The following FGF2 variants were observed in gnomAD, a reference collection of about 807,000 sequenced individuals.
FGF2 encodes the protein fibroblast growth factor 2.
FGF2 carries 13 observed loss-of-function variants against 15.9 expected under a neutral mutation model. That is an observed-to-expected ratio of 0.82 (90% CI 0.53 to 1.30). The LOEUF is 1.30. Ranked by LOEUF, FGF2 falls within the 50% of genes most tolerant of loss-of-function variation. FGF2 has a pLI of 0.00. For missense variants in FGF2, 163 were observed against 196.9 expected, an observed-to-expected ratio of 0.83 and a Z score of 1.03; for synonymous variants, 90 against 78.4, an observed-to-expected ratio of 1.15 and a Z score of -0.78.
At chr4:122,826,811 G>T, upstream of FGF2, 1 of 1,450,452 alleles carries the variant, frequency 6.9e-7, no homozygotes. Flanking sequence ...TAGAAGATGT[G>T]ACGCCGCGGC....
At chr4:122,869,316 C>T (rs776759062) in intron 1 of FGF2, among the ~76,000 whole-genome samples, 1 of 152,088 alleles carries the variant, frequency 6.6e-6, no homozygotes, top group African/African-American at 2.4e-5. Context: ...CTTGGCTATA[C>T]GGGGTCTTCT....
chr4:122,893,281 T>C lies in FGF2; in HGVS notation c.*885T>C. 6.7e-7 allele frequency: 1 copy of C among 1,482,698 alleles called. No homozygotes were observed. The highest frequency in any genetic ancestry group is 9.0e-7 in the Non-Finnish European group (1 of 1,107,768). The allele number at this position is 1,482,698 out of a possible 1,614,324, so 91.8% of individuals were successfully genotyped here. A position where few individuals can be genotyped will look rare whatever the true frequency, so the allele number is the denominator to read the frequency against. On this transcript the variant is annotated 3_prime_UTR_variant, in exon 3 of 3. Coordinates refer to ENST00000644866, the MANE Select transcript of FGF2 (RefSeq NM_001361665.2). The stretch of plus-strand genomic sequence containing the variant: ...AATAATTACACTTTTAGAAACTGTA[T>C]CATCAAAGATTTTCAGTTAAAGTAG...
At chr4:122,863,407 G>A (rs1726512370) in intron 1 of FGF2, among the ~76,000 whole-genome samples, 1 of 152,084 alleles carries the variant, frequency 6.6e-6, no homozygotes, top group South Asian at 2.1e-4. Flanking sequence ...GAGTTTCTCA[G>A]CCTGGGTTTT....
Position 122,863,524 on chromosome 4 carries a change from T to C in FGF2, c.179-12797T>C, listed in dbSNP as rs539829958. ...ACCCAGAATATCATTCTCTTTTGTC[T>C]CTCCCTTGCCAATACCTTGCTCATG... On this transcript the variant is annotated intron_variant, in intron 1 of 2. Coordinates refer to ENST00000644866, the MANE Select transcript of FGF2 (RefSeq NM_001361665.2). 2.6e-5 allele frequency among the ~76,000 whole-genome samples: 4 copies of C among 152,250 alleles called. No individual in the cohort carries two copies. In the East Asian group the frequency reaches 7.7e-4, roughly 29 times the overall value.
At chr4:122,836,222 C>CT (rs1265760973) in intron 1 of FGF2, among the ~76,000 whole-genome samples, 1 of 152,224 alleles carries the variant, frequency 6.6e-6, no homozygotes, top group Non-Finnish European at 1.5e-5. Context: ...ACAGTGGCCA[C>CT]TCAAAGAATG....
At position 122,895,128 on chromosome 4, in the gene FGF2, G is replaced by A. The variant is rs776825001; in HGVS notation, c.*2732G>A. On this transcript the variant is annotated 3_prime_UTR_variant, in exon 3 of 3. Transcript: ENST00000644866. ...GTGCTTTTGTCTCCAGAGTATGCGG[G>A]AGACCCTTCCACCTCAAGATGGATA... 2.6e-5 allele frequency: 4 copies of A among 152,158 alleles called. No homozygotes were observed. Among genetic ancestry groups the A allele is most frequent in the Non-Finnish European group, 5.9e-5 (4 of 68,042 alleles). The allele number at this position is 152,158 out of a possible 1,614,324, so 9.4% of individuals were successfully genotyped here.
At chr4:122,841,110 G>A (rs1725975367) in intron 1 of FGF2, among the ~76,000 whole-genome samples, 1 of 152,208 alleles carries the variant, frequency 6.6e-6, no homozygotes, top group African/African-American at 2.4e-5. Context: ...ATTTCTCATA[G>A]CAACCTTCTG....
intron 1 of FGF2, among the ~76,000 whole-genome samples, chr4:122,850,484 T>C (rs773043258): frequency 6.6e-6 from 1 of 152,180 alleles, no homozygotes; most frequent in South Asian, 2.1e-4. Context: ...TGGATGACTT[T>C]ATAGATGTCT....
intron 2 of FGF2, among the ~76,000 whole-genome samples, chr4:122,888,290 C>G (rs1319303065): frequency 6.6e-6 from 1 of 152,208 alleles, no homozygotes; most frequent in African/African-American, 2.4e-5. Context: ...ATTTCTACTG[C>G]TACCTCCATG....
At chr4:122,876,028 C>T (rs17006247) in intron 1 of FGF2, among the ~76,000 whole-genome samples, 2,181 of 152,240 alleles carry the variant, frequency 0.014, 57 homozygotes, top group African/African-American at 0.049. Context: ...AACAATTCTC[C>T]GTGTGTCCCC....
At chr4:122,884,092 G>A (rs1727011895) in intron 2 of FGF2, among the ~76,000 whole-genome samples, 4 of 152,172 alleles carry the variant, frequency 2.6e-5, no homozygotes, top group African/African-American at 7.2e-5. Context: ...TCCTTTTTAA[G>A]AGATAAAATA....
At chr4:122,866,351 G>T (rs1726582462) in intron 1 of FGF2, among the ~76,000 whole-genome samples, 1 of 145,222 alleles carries the variant, frequency 6.9e-6, no homozygotes, top group Admixed American at 7.1e-5. Context: ...CTGGGTGAAA[G>T]AGCGAGACTC....
At chr4:122,850,288 C>T (rs1264551690) in intron 1 of FGF2, among the ~76,000 whole-genome samples, 4 of 151,386 alleles carry the variant, frequency 2.6e-5, no homozygotes, top group African/African-American at 9.7e-5. Context: ...AAAAAAGATA[C>T]AGTAAAAGTT....
chr4:122,897,565 G>C lies in FGF2; in HGVS notation c.*5169G>C. 8.3e-7 allele frequency: 1 copy of C among 1,205,384 alleles called. No homozygotes were observed. The allele number at this position is 1,205,384 out of a possible 1,614,324, so 74.7% of individuals were successfully genotyped here. On this transcript the variant is annotated 3_prime_UTR_variant, in exon 3 of 3. Transcript: ENST00000644866. Reference sequence around the variant, plus strand: ...TTATTCTTAGCTATAAAGCAAGAAAGTAAACACATTAATTTCCTCAACATT... The same window carrying C: ...TTATTCTTAGCTATAAAGCAAGAAACTAAACACATTAATTTCCTCAACATT...
chr4:122,841,529 A>C (rs1174803706), intron 1 of FGF2, among the ~76,000 whole-genome samples: 8 of 152,232 alleles, frequency 5.3e-5, no homozygotes, highest in Admixed American at 3.3e-4. Context: ...TCTTATTTAA[A>C]AATGTATTTA....
At position 122,876,416 on chromosome 4, in the gene FGF2, C is replaced by G. The variant is rs753112115; in HGVS notation, c.274C>G (p.Leu92Val). The G allele has an allele frequency of 2.5e-6, 4 of 1,601,824 alleles. No homozygotes were observed. The Admixed American group carries it at 6.7e-5, about 27-fold the overall frequency. ...YLAMKEDGRL[L>V]ASKCVTDECF... is the part of the protein sequence containing the mutation. ...GGCTATGAAGGAAGATGGAAGATTA[C>G]TGGCTTCTGTAAGCATACTTTCTGT... The change falls in exon 2 of 3, where the codon CTG (leucine) becomes GTG (valine). Residue 92 changes from leucine (L) to valine (V), a missense_variant. By Grantham distance (32) the Leu-to-Val change is conservative. Coordinates refer to ENST00000644866, the MANE Select transcript of FGF2 (RefSeq NM_001361665.2).
intron 1 of FGF2, among the ~76,000 whole-genome samples, chr4:122,829,983 T>C (rs1725727274): frequency 6.6e-6 from 1 of 152,184 alleles, no homozygotes; most frequent in Non-Finnish European, 1.5e-5. Flanking sequence ...CCTACTACAT[T>C]ATGGCTCAGA....
At chr4:122,847,217 G>GAA in intron 1 of FGF2, among the ~76,000 whole-genome samples, 1 of 152,200 alleles carries the variant, frequency 6.6e-6, no homozygotes, top group African/African-American at 2.4e-5. Context: ...TCTCCATGAT[G>GAA]TATTTACTTT....
At chr4:122,828,138 G>C (rs926177092) in intron 1 of FGF2, among the ~76,000 whole-genome samples, 1 of 152,190 alleles carries the variant, frequency 6.6e-6, no homozygotes, top group Non-Finnish European at 1.5e-5. Context: ...TTTGCTTTCT[G>C]TAAGAAACAA....
Sources: allele counts gnomAD v4.1 joint callset (sites outside exome capture counted in the v4.1 genomes callset), GRCh38; gene constraint gnomAD v4.1.1; transcripts MANE v1.5; gene names NCBI Gene and HGNC (gene_info 2026-07-23, HGNC 2026-07-21).